Variants in AGK observed in about 807,000 individuals in gnomAD.
AGK encodes acylglycerol kinase, mitochondrial.
AGK carries 52 observed loss-of-function variants against 66.4 expected under a neutral mutation model. The observed-to-expected ratio is 0.78, with a 90% CI of 0.63 to 0.99. The LOEUF (loss-of-function observed/expected upper bound fraction) is 0.99. AGK is among the 50% of genes least tolerant of loss of function. AGK has a pLI of 0.00. For synonymous variants in AGK, 182 were observed against 181.1 expected (o/e 1.00, Z -0.04); for missense variants, 451 against 506.6 (o/e 0.89, Z 1.05).
At chr7:141,609,684 G>A (rs1478137246) in intron 5 of AGK, among the ~76,000 whole-genome samples, 1 of 152,164 alleles carries the variant, frequency 6.6e-6, no homozygotes, top group Non-Finnish European at 1.5e-5. Flanking sequence ...TCAATCTCAG[G>A]CCCCTCGCTC....
At chr7:141,606,379 C>G (rs1311698428) in intron 5 of AGK, among the ~76,000 whole-genome samples, 1 of 152,194 alleles carries the variant, frequency 6.6e-6, no homozygotes, top group African/African-American at 2.4e-5. Flanking sequence ...TTCTTTCAAA[C>G]AGCTCAAGCT....
chr7:141,597,692 G>A (rs996013633), intron 4 of AGK, among the ~76,000 whole-genome samples: 1 of 151,712 alleles, frequency 6.6e-6, no homozygotes, highest in Non-Finnish European at 1.5e-5. Flanking sequence ...GTAACATGGT[G>A]AAACTCTGTC....
intron 7 of AGK, among the ~76,000 whole-genome samples, chr7:141,614,819 A>G (rs1796672805): frequency 6.6e-6 from 1 of 152,182 alleles, no homozygotes; most frequent in Non-Finnish European, 1.5e-5. Context: ...AAATGTTAAC[A>G]TTTGTTAAAT....
intron 2 of AGK, among the ~76,000 whole-genome samples, chr7:141,583,986 G>A (rs370790325): frequency 2.6e-4 from 39 of 152,072 alleles, no homozygotes; most frequent in African/African-American, 8.9e-4. Flanking sequence ...CAAAGAGCAG[G>A]AGGACGGGAT....
chr7:141,643,313 G>A (rs953262126), intron 13 of AGK, among the ~76,000 whole-genome samples: 37 of 152,204 alleles, frequency 2.4e-4, no homozygotes, highest in Admixed American at 6.5e-4. Context: ...ACAAGGCTGC[G>A]CCTCCTGTGT....
At chr7:141,565,633 G>C (rs564490888) in intron 2 of AGK, among the ~76,000 whole-genome samples, 107 of 149,770 alleles carry the variant, frequency 7.1e-4, no homozygotes, top group Non-Finnish European at 1.2e-3. Context: ...GAGAGACTTC[G>C]TCTCAAAAAA....
chr7:141,597,908 A>G (rs1272059467), intron 4 of AGK, among the ~76,000 whole-genome samples: 6 of 116,136 alleles, frequency 5.2e-5, no homozygotes, highest in Non-Finnish European at 6.0e-5. Flanking sequence ...AAAAAAAAAA[A>G]AAAAAAAAAA....
Position 141,596,596 on chromosome 7 carries a change from A to T in AGK, c.176A>T (p.Gln59Leu). 6.2e-7 allele frequency: 1 copy of T among 1,614,086 alleles called. No individual in the cohort carries two copies. The highest frequency in any genetic ancestry group is 8.5e-7 in the Non-Finnish European group (1 of 1,179,982). ...FGNQLIPPNA[Q>L]VKKATVFLNP... ...AATCAACTCATTCCTCCCAATGCAC[A>T]AGTGAAGAAGGCCACTGTTTTTCTC... Residue 59 changes from glutamine to leucine, a missense_variant, in exon 4 of 16, where the codon CAA becomes CTA. Gln to Leu is a moderately radical substitution (Grantham distance 113, BLOSUM62 -2). Coordinates refer to ENST00000649286, the MANE Select transcript of AGK (RefSeq NM_018238.4).
chr7:141,611,403 G>A, intron 6 of AGK, 116 bp downstream of exon 6: 1 of 673,542 alleles, frequency 1.5e-6, no homozygotes, highest in East Asian at 3.2e-5. Flanking sequence ...CATTATTTTA[G>A]GATTGTTGCT....
chr7:141,642,051 T>A (rs1797304660), intron 13 of AGK, 143 bp downstream of exon 13: 1 of 757,664 alleles, frequency 1.3e-6, no homozygotes, highest in Admixed American at 2.4e-5. Context: ...GGATGTGGTG[T>A]GCCTTTAAGG....
rs142576028 is a variant in AGK at position 141,621,634 on chromosome 7, ATG to A, written c.519-84_519-83del. 0.024 allele frequency: 16,395 copies of A among 687,264 alleles called. 11 individuals carry two copies. Among genetic ancestry groups the A allele is most frequent in the East Asian group, 0.031 (1,028 of 33,514 alleles). The allele number at this position is 687,264 out of a possible 1,614,324, so 42.6% of individuals were successfully genotyped here. On this transcript the variant is annotated intron_variant, in intron 8 of 15. Coordinates refer to ENST00000649286, the MANE Select transcript of AGK (RefSeq NM_018238.4). ...GGAGAGAGAGAGAATGAGAGAGAATATGTGTGTGTGTGTGTTTGTGCATGAGT... is the reference window on the plus strand; with the variant it reads ...GGAGAGAGAGAGAATGAGAGAGAATATGTGTGTGTGTGTTTGTGCATGAGT...
In AGK at chr7:141,621,723, C is replaced by T; in HGVS notation, c.519-9C>T. The T allele has an allele frequency of 6.2e-7, 1 of 1,606,764 alleles. No homozygotes were observed. The highest frequency in any genetic ancestry group is 1.3e-5 in the African/African-American group (1 of 74,772). On this transcript the variant is annotated splice_polypyrimidine_tract_variant and intron_variant, in intron 8 of 15. Transcript: ENST00000649286. ...TTTCATAATATGATCATTTCCTTTT[C>T]TCTTTTAGACATATTACTGATGCCA...
intron 5 of AGK, among the ~76,000 whole-genome samples, chr7:141,604,049 A>T (rs1442254053): frequency 6.6e-6 from 1 of 152,100 alleles, no homozygotes; most frequent in Non-Finnish European, 1.5e-5. Context: ...GATACTTATC[A>T]ATTATATGCA....
Position 141,555,056 on chromosome 7 carries a change from A to T in AGK, c.-14-397A>T, listed in dbSNP as rs1587052512. On this transcript the variant is annotated intron_variant, in intron 1 of 15. Transcript: ENST00000649286. The surrounding 1 kb of genome is among the most constrained non-coding windows in gnomAD (Gnocchi z 4.2). ...ACACTTACATTATGATGGATAGACA[A>T]ATGTATACTCTTAAACAGTGGTACA... 6.6e-6 allele frequency among the ~76,000 whole-genome samples: 1 copy of T among 152,314 alleles called. No individual in the cohort carries two copies. The highest frequency in any genetic ancestry group is 1.9e-4 in the East Asian group (1 of 5,182).
chr7:141,606,058 G>A (rs1348721620), intron 5 of AGK, among the ~76,000 whole-genome samples: 1 of 152,134 alleles, frequency 6.6e-6, no homozygotes, highest in African/African-American at 2.4e-5. Flanking sequence ...AATGTGGAGT[G>A]GAGTCTGTCT....
intron 3 of AGK, chr7:141,593,550 C>T (rs1796167472): frequency 3.5e-6 from 2 of 575,642 alleles, no homozygotes; most frequent in Admixed American, 3.1e-5. Context: ...CAGTTCAGAG[C>T]AAGTGTTACC....
At chr7:141,651,479 C>T (rs375175894) in intron 14 of AGK, 46 bp from the exon 15 acceptor site, 2 of 1,523,196 alleles carry the variant, frequency 1.3e-6, no homozygotes, top group African/African-American at 2.7e-5. Context: ...CAACCTAGTG[C>T]AGTTGCCATC....
At position 141,555,795 on chromosome 7, in the gene AGK, A is replaced by G. The variant is rs1795199499; in HGVS notation, c.101+228A>G. Among the ~76,000 whole-genome samples the G allele has an allele frequency of 6.6e-6, 1 of 152,248 alleles. No individual in the cohort carries two copies. Among genetic ancestry groups the G allele is most frequent in the African/African-American group, 2.4e-5 (1 of 41,472 alleles). ...AATAAAGTAGAGACATCAGAAAGGA[A>G]GCTATTTTTATTCATTATATTTATA... On this transcript the variant is annotated intron_variant, in intron 2 of 15. Transcript: ENST00000649286. This position sits in a 1 kb window ranked among gnomAD's most constrained non-coding sequence, Gnocchi z 4.2.
intron 2 of AGK, among the ~76,000 whole-genome samples, chr7:141,577,323 C>T (rs1795765501): frequency 6.6e-6 from 1 of 152,162 alleles, no homozygotes; most frequent in African/African-American, 2.4e-5. Flanking sequence ...CTTCACAATC[C>T]CTTATCTTAA....
Sources: allele counts gnomAD v4.1 joint callset (sites outside exome capture counted in the v4.1 genomes callset), GRCh38; gene constraint gnomAD v4.1.1; non-coding constraint Gnocchi (gnomAD v3.1); transcripts MANE v1.5; gene names NCBI Gene and HGNC (gene_info 2026-07-23, HGNC 2026-07-21).